The following TNK1 variants were observed in gnomAD, a reference collection of about 807,000 sequenced individuals.
TNK1 encodes the protein tyrosine kinase non receptor 1.
Under a neutral mutation model 65.2 loss-of-function variants are expected in TNK1, and 53 were observed. The ratio of observed to expected loss-of-function variants is 0.81; its 90% CI spans 0.65 to 1.02. The LOEUF is 1.02. TNK1 is among the 50% of genes least tolerant of loss of function. TNK1 has a pLI of 0.00. For synonymous variants in TNK1, 353 were observed against 364.6 expected, an observed-to-expected ratio of 0.97 and a Z score of 0.36; for missense variants, 837 against 878.4, an observed-to-expected ratio of 0.95 and a Z score of 0.60.
At position 7,383,305 on chromosome 17, in the gene TNK1, G is replaced by A; in HGVS notation, c.219G>A (p.Lys73=). The A allele has an allele frequency of 6.2e-7, 1 of 1,614,056 alleles. No individual in the cohort carries two copies. Among genetic ancestry groups the A allele is most frequent in the Non-Finnish European group, 8.5e-7 (1 of 1,179,898 alleles). Residue 73 remains lysine (K), a synonymous_variant, in exon 3 of 13, where the codon AAG becomes AAA. Transcript: ENST00000688331. ...GGCTACGTTCTGGGCCTAAGTCTAAGAACTGGGTCTACAAGGTGTGTGTTG... is the reference window on the plus strand; with the variant it reads ...GGCTACGTTCTGGGCCTAAGTCTAAAAACTGGGTCTACAAGGTGTGTGTTG... ...LKRLRSGPKS[K]NWVYKILGGF...
chr17:7,384,233 C>G lies in TNK1; in HGVS notation c.846C>G (p.Pro282=), dbSNP rs1452227172. 6.7e-7 allele frequency: 1 copy of G among 1,494,428 alleles called. No homozygotes were observed. The highest frequency in any genetic ancestry group is 8.8e-7 in the Non-Finnish European group (1 of 1,130,234). The allele number at this position is 1,494,428 out of a possible 1,614,324, so 92.6% of individuals were successfully genotyped here. Residue 282 remains proline (P), a synonymous_variant, in exon 6 of 13, where the codon CCC becomes CCG. Transcript: ENST00000688331. ...GGGGCCGCTACGTCATGGGCGGGCC[C>G]CGCCCTATCCCCTACGCCTGGTGAG... ...GARGRYVMGG[P]RPIPYAWCAP... is the part of the protein sequence containing the mutation.
chr17:7,384,655 C>T lies in TNK1; in HGVS notation c.1038C>T (p.Pro346=). 3 of 1,606,610 alleles carry T rather than the reference C, an allele frequency of 1.9e-6. No individual in the cohort carries two copies. The highest frequency in any genetic ancestry group is 2.5e-6 in the Non-Finnish European group (3 of 1,177,118). The change falls in exon 7 of 13, where the codon CCC becomes CCT. Residue 346 remains proline (P), a synonymous_variant. Coordinates refer to ENST00000688331, the MANE Select transcript of TNK1 (RefSeq NM_003985.6). ...ACAGAGCCCGGCTGCCTAGGCCTCC[C>T]CTCTGCTCCAGGGCCCTCTACTCCC... The part of the protein sequence containing the change: ...LEDRARLPRP[P]LCSRALYSLA...
At position 7,386,972 on chromosome 17, in the gene TNK1, C is replaced by T; in HGVS notation, c.1233-18C>T. 1 of 1,533,374 alleles carries T rather than the reference C, an allele frequency of 6.5e-7. No individual in the cohort carries two copies. The highest frequency in any genetic ancestry group is 8.8e-7 in the Non-Finnish European group (1 of 1,135,694). The allele number at this position is 1,533,374 out of a possible 1,614,324, so 95.0% of individuals were successfully genotyped here. ...TTGCCCTTATTCCCATCCTATTTACCAGCTCCTCTTTCCACAGCCCCGACT... is the reference window on the plus strand; with the variant it reads ...TTGCCCTTATTCCCATCCTATTTACTAGCTCCTCTTTCCACAGCCCCGACT... On this transcript the variant is annotated intron_variant, in intron 8 of 12. Transcript: ENST00000688331.
chr17:7,384,406 C>T, intron 6 of TNK1, 78 bp from the exon 7 acceptor site: 1 of 1,447,898 alleles, frequency 6.9e-7, no homozygotes, highest in Non-Finnish European at 9.1e-7. Flanking sequence ...AAGATGGGTG[C>T]ACTCGGGGGT....
At chr17:7,384,421 C>A (rs1031750714) in intron 6 of TNK1, 63 bp from the exon 7 acceptor site, 6 of 1,459,208 alleles carry the variant, frequency 4.1e-6, no homozygotes, top group Admixed American at 2.6e-5. Flanking sequence ...GGGGGTGCTC[C>A]GTGGAGGGTG....
Position 7,384,237 on chromosome 17 carries a change from C to T in TNK1, c.850C>T (p.Pro284Ser). The T allele has an allele frequency of 1.3e-6, 2 of 1,493,776 alleles. No individual in the cohort carries two copies. Among genetic ancestry groups the T allele is most frequent in the South Asian group, 1.3e-5 (1 of 78,130 alleles). 92.5% of individuals were successfully genotyped at this position (1,493,776 alleles called of 1,614,324 possible). A position where few individuals can be genotyped will look rare whatever the true frequency, so the allele number is the denominator to read the frequency against. Residue 284 changes from proline (P) to serine (S), a missense_variant, in exon 6 of 13, where the codon CCT (proline) becomes TCT (serine). Transcript: ENST00000688331. ...RGRYVMGGPR[P>S]IPYAWCAPES... ...CCGCTACGTCATGGGCGGGCCCCGC[C>T]CTATCCCCTACGCCTGGTGAGAGCG... is the stretch of plus-strand genomic sequence containing the variant.
In TNK1 at chr17:7,389,020, G is replaced by T. The variant is rs373049680; in HGVS notation, c.1922G>T (p.Arg641Leu). The T allele has an allele frequency of 1.0e-5, 16 of 1,554,680 alleles. No individual in the cohort carries two copies. Among genetic ancestry groups the T allele is most frequent in the Non-Finnish European group, 1.4e-5 (16 of 1,148,594 alleles). Reference sequence around the variant, plus strand: ...AGCCGGTCCAGAGCTGACTGCTGGCGCATCCTGGAGCATTACCAGTGGGAC... The same window carrying T: ...AGCCGGTCCAGAGCTGACTGCTGGCTCATCCTGGAGCATTACCAGTGGGAC... ...LSSRSRADCW[R>L]ILEHYQWDLS... The change falls in exon 13 of 13, where the codon CGC becomes CTC. Residue 641 changes from arginine (R) to leucine (L), a missense_variant. Coordinates refer to ENST00000688331, the MANE Select transcript of TNK1 (RefSeq NM_003985.6).
chr17:7,385,650 C>T (rs374505102), intron 7 of TNK1, among the ~76,000 whole-genome samples: 134 of 152,086 alleles, frequency 8.8e-4, no homozygotes, highest in Admixed American at 1.3e-3. Flanking sequence ...CTGCAACCTC[C>T]GCCTCCTGGG....
At position 7,383,657 on chromosome 17, in the gene TNK1, C is replaced by T. The variant is rs762404308; in HGVS notation, c.426+41C>T. 6.3e-6 allele frequency: 10 copies of T among 1,597,348 alleles called. No individual in the cohort carries two copies. The South Asian group carries it at 1.0e-4, about 16-fold the overall frequency. On this transcript the variant is annotated intron_variant, in intron 4 of 12. Coordinates refer to ENST00000688331, the MANE Select transcript of TNK1 (RefSeq NM_003985.6). The stretch of plus-strand genomic sequence containing the variant: ...GCCCGCTTCATCCAGGCCAGCTGCC[C>T]CCTCTGTTCTTCATGCCCGCAATGC...
Position 7,389,561 on chromosome 17 carries a change from T to C in TNK1, c.*477T>C, listed in dbSNP as rs1905467705. 3.1e-6 allele frequency: 1 copy of C among 323,624 alleles called. No homozygotes were observed. The highest frequency in any genetic ancestry group is 4.7e-5 in the Admixed American group (1 of 21,406). The allele number at this position is 323,624 out of a possible 1,614,324, so 20.0% of individuals were successfully genotyped here. A position where few individuals can be genotyped will look rare whatever the true frequency, so the allele number is the denominator to read the frequency against. Reference sequence around the variant, plus strand: ...ATAGGCCCAAACTGCCTTCGTTTGGTCCAGGGCCATCGTGGGTGATGACGA... The same window carrying C: ...ATAGGCCCAAACTGCCTTCGTTTGGCCCAGGGCCATCGTGGGTGATGACGA... On this transcript the variant is annotated 3_prime_UTR_variant, in exon 13 of 13. Transcript: ENST00000688331.
chr17:7,382,712 G>GA lies in TNK1; in HGVS notation c.-91-123dup. The GA allele has an allele frequency of 4.1e-6, 2 of 487,378 alleles. No homozygotes were observed. The highest frequency in any genetic ancestry group is 3.4e-6 in the Non-Finnish European group (1 of 291,710). 30.2% of individuals were successfully genotyped at this position (487,378 alleles called of 1,614,324 possible). On this transcript the variant is annotated intron_variant, in intron 1 of 12. Transcript: ENST00000688331. The surrounding 1 kb of genome is among the most constrained non-coding windows in gnomAD (Gnocchi z 4.1). ...CAGGTTACTCAGCGGTGAAGGGACAGAGTACCCGGATGCCTGGGCACGGGG... is the reference window on the plus strand; with the variant it reads ...CAGGTTACTCAGCGGTGAAGGGACAGAAGTACCCGGATGCCTGGGCACGGGG...
Position 7,389,138 on chromosome 17 carries a change from C to A in TNK1, c.*54C>A. 1.4e-6 allele frequency: 2 copies of A among 1,437,546 alleles called. No homozygotes were observed. The highest frequency in any genetic ancestry group is 1.9e-6 in the Non-Finnish European group (2 of 1,047,598). 89.0% of individuals were successfully genotyped at this position (1,437,546 alleles called of 1,614,324 possible). On this transcript the variant is annotated 3_prime_UTR_variant, in exon 13 of 13. Coordinates refer to ENST00000688331, the MANE Select transcript of TNK1 (RefSeq NM_003985.6). Reference sequence around the variant, plus strand: ...CATGAAAAGCCTAGGCCCCTGAGGGCCTGGCCACATGGGACCAAGCGGAAC... The same window carrying A: ...CATGAAAAGCCTAGGCCCCTGAGGGACTGGCCACATGGGACCAAGCGGAAC...
chr17:7,386,730 C>A, intron 8 of TNK1, 75 bp downstream of exon 8: 1 of 1,310,470 alleles, frequency 7.6e-7, no homozygotes, highest in Non-Finnish European at 1.1e-6. Flanking sequence ...CCCTTCTCTG[C>A]TTCTCTCCAG....
rs148384084 is a variant in TNK1, at chr17:7,388,647, C to T, written c.1719C>T (p.Ala573=). 5.9e-5 allele frequency: 96 copies of T among 1,613,996 alleles called. No homozygotes were observed. The highest frequency in any genetic ancestry group is 2.7e-4 in the African/African-American group (20 of 75,058). Residue 573 remains alanine, a synonymous_variant, in exon 11 of 13, where the codon GCC becomes GCT. Coordinates refer to ENST00000688331, the MANE Select transcript of TNK1 (RefSeq NM_003985.6). This position sits in a 1 kb window ranked among gnomAD's most constrained non-coding sequence, Gnocchi z 4.5. ...TGGGAATGCCTGGAGCCCGTAAAGC[C>T]GCTGCCCTCTCTGGAGGCCTCTTGT... ...HPMGMPGARK[A]AALSGGLLSD... is the part of the protein sequence containing the mutation.
chr17:7,388,575 G>A lies in TNK1; in HGVS notation c.1647G>A (p.Arg549=), dbSNP rs755056283. The change falls in exon 11 of 13, where the codon AGG becomes AGA. Residue 549 remains arginine, a synonymous_variant. Transcript: ENST00000688331. This position sits in a 1 kb window ranked among gnomAD's most constrained non-coding sequence, Gnocchi z 4.5. ...CTCCTCAGCCCAGCCAGCCCTCTAG[G>A]GAGAGGCTTCCCTGGCCCAAAAGAA... The part of the protein sequence containing the change: ...SSSPQPSQPS[R]ERLPWPKRKP... 5.4e-5 allele frequency: 87 copies of A among 1,613,844 alleles called. No individual in the cohort carries two copies. The highest frequency in any genetic ancestry group is 6.9e-5 in the Non-Finnish European group (81 of 1,179,894).
In TNK1 at chr17:7,387,020, T is replaced by C. The variant is rs76770920; in HGVS notation, c.1263T>C (p.Asn421=). 5.2e-4 allele frequency: 835 copies of C among 1,593,516 alleles called. 4 individuals are homozygous for C. The African/African-American group carries it at 0.01, about 20-fold the overall frequency. The change falls in exon 9 of 13, where the codon AAT becomes AAC. Residue 421 remains asparagine (N), a synonymous_variant. Transcript: ENST00000688331. The part of the protein sequence containing the change: ...SPDSTIWKGQ[N]GRTFKVGSFP... ...ACTCCACAATCTGGAAGGGCCAGAATGGTCGCACCTTCAAAGTGGGCAGCT... is the reference window on the plus strand; with the variant it reads ...ACTCCACAATCTGGAAGGGCCAGAACGGTCGCACCTTCAAAGTGGGCAGCT...
chr17:7,386,211 A>C (rs1157434408), intron 7 of TNK1, among the ~76,000 whole-genome samples: 1 of 152,142 alleles, frequency 6.6e-6, no homozygotes, highest in Non-Finnish European at 1.5e-5. Context: ...AGAGGTCTGG[A>C]TGAGGGTAGA....
intron 7 of TNK1, 135 bp downstream of exon 7, chr17:7,384,889 G>A: frequency 8.3e-7 from 1 of 1,205,944 alleles, no homozygotes; most frequent in Non-Finnish European, 1.1e-6. Flanking sequence ...AACAGATGCA[G>A]TCCCTACCTG....
chr17:7,388,434 G>A lies in TNK1; in HGVS notation c.1506G>A (p.Leu502=), dbSNP rs1329470728. The A allele has an allele frequency of 1.2e-6, 2 of 1,612,990 alleles. No homozygotes were observed. The highest frequency in any genetic ancestry group is 2.7e-5 in the African/African-American group (2 of 74,872). ...KGISRSLESV[L]SLGPRPTGGG... ...TTTCCAGGAGTCTGGAGTCAGTTCT[G>A]TCCCTCGGTCCTCGTCCCACAGGGG... is the stretch of plus-strand genomic sequence containing the variant. Residue 502 remains leucine, a synonymous_variant, in exon 11 of 13, where the codon CTG becomes CTA. Coordinates refer to ENST00000688331, the MANE Select transcript of TNK1 (RefSeq NM_003985.6). The surrounding 1 kb of genome is among the most constrained non-coding windows in gnomAD (Gnocchi z 4.5).
Sources: gnomAD v4.1 joint callset for allele counts (sites outside exome capture counted in the v4.1 genomes callset) on GRCh38, gnomAD v4.1.1 for gene constraint, Gnocchi (gnomAD v3.1) non-coding constraint, MANE v1.5 for transcripts, NCBI Gene and HGNC (gene_info 2026-07-23, HGNC 2026-07-21) for gene names.